SUSD1: variants seen among roughly 807,000 people sequenced by gnomAD.
SUSD1 encodes the protein sushi domain containing 1.
A neutral mutation model predicts 86.9 loss-of-function variants in SUSD1; 65 were observed. The ratio of observed to expected loss-of-function variants is 0.75; its 90% confidence interval spans 0.61 to 0.92. The LOEUF is 0.92. Among genes scored for constraint, SUSD1 ranks in the 40% least tolerant of loss-of-function variants. The probability of loss-of-function intolerance (pLI) is 0.00; values close to 1 mark genes in which losing one functional copy is unlikely to be tolerated. For missense variants in SUSD1, 850 were observed against 929.7 expected, an observed-to-expected ratio of 0.91 and a Z score of 1.11; for synonymous variants, 346 against 350.0, an observed-to-expected ratio of 0.99 and a Z score of 0.13.
chr9:112,138,240 T>TAC (rs1554770296), intron 5 of SUSD1, among the ~76,000 whole-genome samples: 5 of 25,040 alleles, frequency 2.0e-4, no homozygotes, highest in Middle Eastern at 0.017. Context: ...AAAATGTGTA[T>TAC]ATATATATAT....
chr9:112,062,890 C>T (rs751540125), intron 13 of SUSD1, 47 bp downstream of exon 13: 5 of 1,315,836 alleles, frequency 3.8e-6, no homozygotes, highest in Non-Finnish European at 5.4e-6. Flanking sequence ...TTCCAAAACA[C>T]TCCATGGGGA....
At chr9:112,079,215 C>T (rs1385627975) in intron 11 of SUSD1, among the ~76,000 whole-genome samples, 1 of 151,908 alleles carries the variant, frequency 6.6e-6, no homozygotes, top group Non-Finnish European at 1.5e-5. Flanking sequence ...AGTTGCAATA[C>T]TATAAATATT....
chr9:112,167,295 ATC>A (rs1441821436), intron 1 of SUSD1, among the ~76,000 whole-genome samples: 1 of 151,862 alleles, frequency 6.6e-6, no homozygotes, highest in Non-Finnish European at 1.5e-5. Flanking sequence ...TAGACACGGG[ATC>A]TCCCTATGTT....
chr9:112,142,709 C>A, intron 4 of SUSD1: 3 of 481,324 alleles, frequency 6.2e-6, no homozygotes, highest in Non-Finnish European at 1.1e-5. Context: ...AGCATCTATA[C>A]ATGCACAAAG....
rs1828550690 is a variant in SUSD1, at chr9:112,058,462, CA to C, written c.2074del (p.Cys692AlafsTer13). On this transcript the variant is annotated frameshift_variant, in exon 14 of 17. Transcript: ENST00000374270. LOFTEE classifies it high-confidence loss of function. The stretch of plus-strand genomic sequence containing the variant: ...TTCACTTGTGATTCGTAATATAATG[CA>C]GTAATCACTCCCTCTTTTCAAGGGT... Reference protein sequence around the residue: ...NAPLKRGSDYCIILRITSEWN... With the variant: ...NAPLKRGSDYXIILRITSEWN... The C allele has an allele frequency of 1.2e-6, 2 of 1,613,978 alleles. No individual in the cohort carries two copies. The highest frequency in any genetic ancestry group is 1.6e-4 in the Middle Eastern group (1 of 6,084).
intron 1 of SUSD1, among the ~76,000 whole-genome samples, chr9:112,167,090 C>G (rs1833857319): frequency 6.8e-6 from 1 of 147,310 alleles, no homozygotes; most frequent in Non-Finnish European, 1.5e-5. Flanking sequence ...GTGAGTTTAG[C>G]AAGTTAAACT....
chr9:112,097,687 C>T (rs1453982625), intron 10 of SUSD1, among the ~76,000 whole-genome samples: 1 of 152,060 alleles, frequency 6.6e-6, no homozygotes, highest in Non-Finnish European at 1.5e-5. Context: ...TCGTGAGCCA[C>T]CGCACCCGGC....
intron 8 of SUSD1, among the ~76,000 whole-genome samples, chr9:112,108,880 T>C (rs1389305198): frequency 6.9e-6 from 1 of 144,634 alleles, no homozygotes; most frequent in East Asian, 2.0e-4. Flanking sequence ...ATTAGTGAGT[T>C]AGAAAAAGAA....
At position 112,127,604 on chromosome 9, in the gene SUSD1, G is replaced by A. The variant is rs118107426; in HGVS notation, c.707-3168C>T. On this transcript the variant is annotated intron_variant, in intron 5 of 16. Coordinates refer to ENST00000374270, the MANE Select transcript of SUSD1 (RefSeq NM_022486.5). Reference sequence around the variant, plus strand: ...TATGTTCATTCGTTTATTTATTCCTGTCTATTGAGTGCCTATTACATGCTA... The same window carrying A: ...TATGTTCATTCGTTTATTTATTCCTATCTATTGAGTGCCTATTACATGCTA... 2.2e-3 allele frequency among the ~76,000 whole-genome samples: 328 copies of A among 152,122 alleles called. 2 individuals carry two copies. Among genetic ancestry groups the A allele is most frequent in the South Asian group, 3.7e-3 (18 of 4,822 alleles).
chr9:112,148,981 T>C (rs1436967168), intron 3 of SUSD1, among the ~76,000 whole-genome samples: 1 of 150,334 alleles, frequency 6.7e-6, no homozygotes, highest in Non-Finnish European at 1.5e-5. Context: ...TAGACCCACA[T>C]CCCCCCAAGA....
In SUSD1 at chr9:112,144,006, G is replaced by A. The variant is rs553646693; in HGVS notation, c.374-383C>T. Among the ~76,000 whole-genome samples, 10 of 152,208 alleles carry A rather than the reference G, an allele frequency of 6.6e-5. No homozygotes were observed. The South Asian group carries it at 8.3e-4, about 13-fold the overall frequency. On this transcript the variant is annotated intron_variant, in intron 3 of 16. Transcript: ENST00000374270. Reference sequence around the variant, plus strand: ...TGTAATCCCAGCACTTTGGGAAGCCGAAGCATGTGGATCACTTGAGGTCAG... The same window carrying A: ...TGTAATCCCAGCACTTTGGGAAGCCAAAGCATGTGGATCACTTGAGGTCAG...
intron 5 of SUSD1, among the ~76,000 whole-genome samples, chr9:112,125,587 G>GA (rs369483918): frequency 6.6e-6 from 1 of 151,540 alleles, no homozygotes; most frequent in Non-Finnish European, 1.5e-5. Flanking sequence ...AAAAAAGAAA[G>GA]AAAAAAACTT....
At chr9:112,140,198 C>T (rs549797520) in intron 5 of SUSD1, among the ~76,000 whole-genome samples, 2 of 126,222 alleles carry the variant, frequency 1.6e-5, no homozygotes, top group Non-Finnish European at 3.2e-5. Context: ...CCGTCTCTAC[C>T]AAAAATACAA....
At chr9:112,071,669 A>G (rs1755109779) in intron 12 of SUSD1, among the ~76,000 whole-genome samples, 1 of 152,218 alleles carries the variant, frequency 6.6e-6, no homozygotes, top group Non-Finnish European at 1.5e-5. Context: ...TTTTATCTGC[A>G]TCAAAACTAA....
intron 1 of SUSD1, among the ~76,000 whole-genome samples, chr9:112,163,925 C>T (rs996776626): frequency 6.6e-6 from 1 of 151,668 alleles, no homozygotes. Flanking sequence ...CACTTGAACC[C>T]GGAAGGCAGA....
intron 13 of SUSD1, among the ~76,000 whole-genome samples, chr9:112,060,207 T>A (rs1439036305): frequency 6.6e-6 from 1 of 151,946 alleles, no homozygotes; most frequent in African/African-American, 2.4e-5. Flanking sequence ...ATGGAAAGTC[T>A]CCCCCCACCA....
At chr9:112,050,805 A>T (rs2118886145) in intron 15 of SUSD1, among the ~76,000 whole-genome samples, 1 of 152,324 alleles carries the variant, frequency 6.6e-6, no homozygotes. Flanking sequence ...TTTTAAAGAA[A>T]TGTACTGTAC....
At chr9:112,100,857 GAC>G (rs5899985) in intron 9 of SUSD1, among the ~76,000 whole-genome samples, 2,496 of 140,398 alleles carry the variant, frequency 0.018, 130 homozygotes, top group Admixed American at 0.11. Context: ...ATTGTACCTG[GAC>G]ACACACACAC....
chr9:112,064,589 CG>C (rs1188547952), intron 12 of SUSD1, among the ~76,000 whole-genome samples: 1 of 152,134 alleles, frequency 6.6e-6, no homozygotes, highest in Non-Finnish European at 1.5e-5. Flanking sequence ...TCATTTTGGC[CG>C]GGTGCGGGGG....
Sources: allele counts gnomAD v4.1 joint callset (sites outside exome capture counted in the v4.1 genomes callset), GRCh38; gene constraint gnomAD v4.1.1; transcripts MANE v1.5; gene names NCBI Gene and HGNC (gene_info 2026-07-23, HGNC 2026-07-21).